The following ATP6V1H variants were observed in gnomAD, a reference collection of about 807,000 sequenced individuals.
The protein encoded by ATP6V1H is V-type proton ATPase subunit H.
ATP6V1H carries 39 observed loss-of-function variants against 71.7 expected under a neutral mutation model. The observed-to-expected ratio is 0.54, with a 90% CI of 0.42 to 0.71. ATP6V1H has a LOEUF of 0.71. Ranked by LOEUF, ATP6V1H falls within the 30% of genes least tolerant of loss-of-function variation. ATP6V1H has a pLI of 0.00. For synonymous variants in ATP6V1H, 192 were observed against 199.3 expected (o/e 0.96, Z 0.31); for missense variants, 509 against 594.9 (o/e 0.86, Z 1.50).
chr8:53,809,462 A>G (rs560840829), intron 7 of ATP6V1H, among the ~76,000 whole-genome samples: 85 of 152,318 alleles, frequency 5.6e-4, no homozygotes, highest in African/African-American at 1.8e-3. Context: ...GAGAGTCACT[A>G]AAGGGAAGAA....
chr8:53,811,635 T>C (rs973946570), intron 6 of ATP6V1H, among the ~76,000 whole-genome samples: 2 of 152,236 alleles, frequency 1.3e-5, no homozygotes, highest in African/African-American at 4.8e-5. Flanking sequence ...GAAGGTACAA[T>C]ATGTGACTTG....
chr8:53,778,081 A>C (rs562672555), intron 9 of ATP6V1H, among the ~76,000 whole-genome samples: 1 of 152,242 alleles, frequency 6.6e-6, no homozygotes, highest in African/African-American at 2.4e-5. Flanking sequence ...TACATTTTAC[A>C]TAAGGTAGTA....
chr8:53,820,888 G>A (rs1328768405), intron 4 of ATP6V1H, among the ~76,000 whole-genome samples: 1 of 151,582 alleles, frequency 6.6e-6, no homozygotes, highest in East Asian at 1.9e-4. Context: ...GGCTGAGGCA[G>A]GAGGATTGCT....
At chr8:53,754,340 T>C (rs1451944340) in intron 12 of ATP6V1H, among the ~76,000 whole-genome samples, 1 of 152,144 alleles carries the variant, frequency 6.6e-6, no homozygotes, top group Non-Finnish European at 1.5e-5. Flanking sequence ...TTGTGGGTGG[T>C]TCTGATGAAT....
chr8:53,792,106 T>C (rs534655389), intron 9 of ATP6V1H, among the ~76,000 whole-genome samples: 1 of 152,268 alleles, frequency 6.6e-6, no homozygotes, highest in East Asian at 1.9e-4. Context: ...TAAGAACTGA[T>C]TATTATTTTA....
intron 9 of ATP6V1H, among the ~76,000 whole-genome samples, chr8:53,778,268 T>C (rs1808964783): frequency 6.6e-6 from 1 of 152,216 alleles, no homozygotes; most frequent in African/African-American, 2.4e-5. Flanking sequence ...TCATATATAA[T>C]CTATAATTAT....
chr8:53,716,964 G>A (rs929061694), intron 13 of ATP6V1H, among the ~76,000 whole-genome samples: 2 of 152,134 alleles, frequency 1.3e-5, no homozygotes, highest in Non-Finnish European at 2.9e-5. Flanking sequence ...GTGGGTTTAC[G>A]TTCCAGCTCC....
chr8:53,744,982 G>C (rs1032353225), intron 12 of ATP6V1H, among the ~76,000 whole-genome samples: 1 of 152,174 alleles, frequency 6.6e-6, no homozygotes, highest in East Asian at 1.9e-4. Flanking sequence ...GCTGTGCAGC[G>C]ATGATGATAC....
intron 12 of ATP6V1H, among the ~76,000 whole-genome samples, chr8:53,744,080 A>G (rs895414602): frequency 6.6e-6 from 1 of 152,300 alleles, no homozygotes; most frequent in South Asian, 2.1e-4. Flanking sequence ...ACAACATACA[A>G]TCAATATCAA....
chr8:53,803,779 A>T (rs1018851102), intron 7 of ATP6V1H, among the ~76,000 whole-genome samples: 1 of 151,738 alleles, frequency 6.6e-6, no homozygotes, highest in Admixed American at 6.6e-5. Context: ...ATGAAAAAAT[A>T]TTTTTTTTTC....
chr8:53,809,601 T>C (rs1810207359), intron 7 of ATP6V1H, among the ~76,000 whole-genome samples: 1 of 152,232 alleles, frequency 6.6e-6, no homozygotes, highest in South Asian at 2.1e-4. Context: ...TAATTTTGTT[T>C]TTCTAATACA....
At chr8:53,813,478 C>G (rs1368622691) in intron 6 of ATP6V1H, among the ~76,000 whole-genome samples, 2 of 152,140 alleles carry the variant, frequency 1.3e-5, no homozygotes, top group Non-Finnish European at 2.9e-5. Flanking sequence ...AATCTAACAA[C>G]CTAATAATAT....
intron 12 of ATP6V1H, among the ~76,000 whole-genome samples, chr8:53,746,456 G>A (rs945606862): frequency 4.6e-5 from 7 of 151,912 alleles, no homozygotes; most frequent in African/African-American, 7.3e-5. Flanking sequence ...GTAGAGACGG[G>A]GTTTCACCAT....
chr8:53,815,706 T>C (rs544582936), intron 5 of ATP6V1H, among the ~76,000 whole-genome samples: 19 of 152,344 alleles, frequency 1.2e-4, no homozygotes, highest in African/African-American at 4.6e-4. Flanking sequence ...TTATCTAGTT[T>C]AAACTCATCT....
intron 13 of ATP6V1H, among the ~76,000 whole-genome samples, chr8:53,726,155 C>T (rs926202642): frequency 6.6e-6 from 1 of 152,152 alleles, no homozygotes; most frequent in Non-Finnish European, 1.5e-5. Flanking sequence ...AGAACACTTT[C>T]AACAACAGTA....
intron 13 of ATP6V1H, among the ~76,000 whole-genome samples, chr8:53,716,977 G>C (rs1176388204): frequency 6.6e-6 from 1 of 152,208 alleles, no homozygotes; most frequent in Non-Finnish European, 1.5e-5. Context: ...CCAGCTCCAT[G>C]ACCTCCTGGG....
chr8:53,808,357 T>C (rs1810159483), intron 7 of ATP6V1H, among the ~76,000 whole-genome samples: 1 of 152,238 alleles, frequency 6.6e-6, no homozygotes, highest in Non-Finnish European at 1.5e-5. Context: ...TGTTTAAGAA[T>C]CAGTAAACAA....
intron 13 of ATP6V1H, among the ~76,000 whole-genome samples, chr8:53,734,511 T>C (rs1349746463): frequency 6.6e-6 from 1 of 152,038 alleles, no homozygotes; most frequent in Non-Finnish European, 1.5e-5. Flanking sequence ...TAGGTAAGAC[T>C]GTGAACATCT....
In ATP6V1H at chr8:53,843,206, T is replaced by C. The variant is rs1811400856; in HGVS notation, c.-208A>G. 1 of 152,244 alleles carries C rather than the reference T, an allele frequency of 6.6e-6. No individual in the cohort carries two copies. The highest frequency in any genetic ancestry group is 2.4e-5 in the African/African-American group (1 of 41,384). 9.4% of individuals were successfully genotyped at this position (152,244 alleles called of 1,614,324 possible). On this transcript the variant is annotated 5_prime_UTR_variant, in exon 1 of 14. Transcript: ENST00000359530. Reference sequence around the variant, plus strand: ...CTCCGGGAGCCGAAAGTGAAGCGGGTCCCGCACCAAGGAGACGTTGAGGGC... The same window carrying C: ...CTCCGGGAGCCGAAAGTGAAGCGGGCCCCGCACCAAGGAGACGTTGAGGGC...
Sources: gnomAD v4.1 joint callset for allele counts (sites outside exome capture counted in the v4.1 genomes callset) on GRCh38, gnomAD v4.1.1 for gene constraint, MANE v1.5 for transcripts, NCBI Gene and HGNC (gene_info 2026-07-23, HGNC 2026-07-21) for gene names.